Variants in USP24 observed in about 807,000 individuals in gnomAD.
The protein encoded by USP24 is ubiquitin specific peptidase 24, also known as ubiquitin carboxyl-terminal hydrolase 24.
Under a neutral mutation model 361.6 loss-of-function variants are expected in USP24, and 97 were observed. The observed-to-expected ratio is 0.27, with a 90% confidence interval of 0.23 to 0.32. The LOEUF is 0.32. Ranked by LOEUF, USP24 falls within the 10% of genes least tolerant of loss-of-function variation. The probability of loss-of-function intolerance (pLI) is 1.00; values close to 1 mark genes in which losing one functional copy is unlikely to be tolerated. For missense variants in USP24, 2,353 were observed against 3,165.6 expected, an observed-to-expected ratio of 0.74 and a Z score of 6.16; for synonymous variants, 1,098 against 1,124.6, an observed-to-expected ratio of 0.98 and a Z score of 0.47.
chr1:55,129,536 G>A lies in USP24; in HGVS notation c.3576C>T (p.Asp1192=). Residue 1192 remains aspartate (D), a synonymous_variant, in exon 32 of 68, where the codon GAC becomes GAT. Coordinates refer to ENST00000294383, the MANE Select transcript of USP24 (RefSeq NM_015306.3). ...SSKLMPTADD[D]MARSCAKSFC... ...AGGATTTGGCACAGCTTCTGGCCAT[G>A]TCATCATCAGCTGTTGGCATGAGTT... The A allele has an allele frequency of 1.9e-6, 3 of 1,613,900 alleles. No individual in the cohort carries two copies. The highest frequency in any genetic ancestry group is 2.7e-5 in the African/African-American group (2 of 75,056).
At chr1:55,130,375 C>T (rs1031780333) in intron 31 of USP24, among the ~76,000 whole-genome samples, 1 of 152,138 alleles carries the variant, frequency 6.6e-6, no homozygotes, top group African/African-American at 2.4e-5. Context: ...ACAGCACAAG[C>T]TTTAAGGTGC....
chr1:55,208,808 C>T (rs940903318), intron 1 of USP24, among the ~76,000 whole-genome samples: 4 of 150,184 alleles, frequency 2.7e-5, no homozygotes, highest in South Asian at 2.1e-4. Context: ...TGGTGGCAGG[C>T]GCCTGTAATC....
At chr1:55,069,637 A>G (rs1475074894) in intron 67 of USP24, among the ~76,000 whole-genome samples, 1 of 151,578 alleles carries the variant, frequency 6.6e-6, no homozygotes, top group African/African-American at 2.4e-5. Context: ...TAAAGTGACA[A>G]CCTAAGCTGA....
Position 55,096,928 on chromosome 1 carries a change from A to C in USP24, c.5936+24T>G, listed in dbSNP as rs904461283. On this transcript the variant is annotated intron_variant, in intron 49 of 67. Coordinates refer to ENST00000294383, the MANE Select transcript of USP24 (RefSeq NM_015306.3). ...AGCAGGGGAGGGCAGAAAGTGAGTAAGTGCTGCCTCAGGAAACTCTTACCG... is the reference window on the plus strand; with the variant it reads ...AGCAGGGGAGGGCAGAAAGTGAGTACGTGCTGCCTCAGGAAACTCTTACCG... 5.6e-5 allele frequency: 90 copies of C among 1,605,252 alleles called. No individual in the cohort carries two copies. The Admixed American group carries it at 1.5e-3, about 26-fold the overall frequency.
intron 58 of USP24, among the ~76,000 whole-genome samples, chr1:55,082,837 T>TG (rs1270206667): frequency 2.0e-5 from 3 of 152,132 alleles, no homozygotes; most frequent in Non-Finnish European, 4.4e-5. Context: ...ACAACTTCCT[T>TG]TTCATTTGAA....
chr1:55,152,911 A>G (rs899312545), intron 16 of USP24, among the ~76,000 whole-genome samples: 56 of 152,214 alleles, frequency 3.7e-4, no homozygotes, highest in African/African-American at 1.3e-3. Flanking sequence ...TAATATACCA[A>G]TGAAAATTAG....
At chr1:55,110,793 A>G (rs1645926800) in intron 38 of USP24, among the ~76,000 whole-genome samples, 1 of 152,156 alleles carries the variant, frequency 6.6e-6, no homozygotes, top group African/African-American at 2.4e-5. Context: ...TCAGACACAA[A>G]TGGGTTTTAA....
chr1:55,208,317 CAG>C (rs1423360748), intron 1 of USP24, among the ~76,000 whole-genome samples: 1 of 152,270 alleles, frequency 6.6e-6, no homozygotes, highest in African/African-American at 2.4e-5. Context: ...AAACTCACCA[CAG>C]AGATTATCGA....
intron 31 of USP24, among the ~76,000 whole-genome samples, chr1:55,130,173 A>T (rs1380368003): frequency 6.6e-6 from 1 of 152,228 alleles, no homozygotes; most frequent in Non-Finnish European, 1.5e-5. Flanking sequence ...AGTGGAGTTC[A>T]ACTGAATACT....
Position 55,199,555 on chromosome 1 carries a change from A to G in USP24, c.324+15235T>C, listed in dbSNP as rs987819998. 2.0e-5 allele frequency among the ~76,000 whole-genome samples: 3 copies of G among 151,732 alleles called. 1 individual carries two copies. Among genetic ancestry groups the G allele is most frequent in the African/African-American group, 4.8e-5 (2 of 41,288 alleles). ...GTATTTAGGAGTCAGATGTCTTGAC[A>G]TTTGCAACTTATTTTTCAAATGGTT... On this transcript the variant is annotated intron_variant, in intron 1 of 67. Transcript: ENST00000294383.
At position 55,154,437 on chromosome 1, in the gene USP24, T is replaced by C. The variant is rs779885780; in HGVS notation, c.1584A>G (p.Arg528=). Residue 528 remains arginine, a synonymous_variant, in exon 14 of 68, where the codon AGA becomes AGG. Transcript: ENST00000294383. Reference sequence around the variant, plus strand: ...GTCCAATCAGGCTCAAAAGCTTCTGTCTTACTCTATCACTCTCAGTCTCCC... The same window carrying C: ...GTCCAATCAGGCTCAAAAGCTTCTGCCTTACTCTATCACTCTCAGTCTCCC... The part of the protein sequence containing the change: ...KSWETESDRV[R]QKLLSLIGRI... 11 of 1,551,354 alleles carry C rather than the reference T, an allele frequency of 7.1e-6. No individual in the cohort carries two copies. The African/African-American group carries it at 1.5e-4, about 21-fold the overall frequency.
intron 55 of USP24, among the ~76,000 whole-genome samples, chr1:55,088,021 C>A (rs1454047900): frequency 6.6e-6 from 1 of 152,160 alleles, no homozygotes; most frequent in East Asian, 1.9e-4. Flanking sequence ...CAAGGAAAGC[C>A]TGGAAGGACA....
intron 1 of USP24, among the ~76,000 whole-genome samples, chr1:55,179,853 AC>A (rs1289153776): frequency 2.0e-5 from 3 of 151,822 alleles, no homozygotes; most frequent in African/African-American, 7.3e-5. Context: ...AGATTACTTC[AC>A]CAGCTCCCTA....
In USP24 at chr1:55,162,273, A is replaced by T. The variant is rs746809674; in HGVS notation, c.928-9T>A. The T allele has an allele frequency of 5.2e-6, 8 of 1,547,196 alleles. No homozygotes were observed. In the African/African-American group the frequency reaches 7.0e-5, roughly 13 times the overall value. ...ATCAGTGCTGAGACAGCCTGGAAAAAGACAGTGAAGATTAAAAATACATTT... is the reference window on the plus strand; with the variant it reads ...ATCAGTGCTGAGACAGCCTGGAAAATGACAGTGAAGATTAAAAATACATTT... On this transcript the variant is annotated splice_polypyrimidine_tract_variant and intron_variant, in intron 7 of 67. Transcript: ENST00000294383.
chr1:55,153,063 C>T (rs890170567), intron 16 of USP24, among the ~76,000 whole-genome samples: 5 of 152,260 alleles, frequency 3.3e-5, no homozygotes, highest in African/African-American at 1.2e-4. Flanking sequence ...AAGCGGAAGC[C>T]TTTCCAGTGC....
At position 55,141,636 on chromosome 1, in the gene USP24, G is replaced by A; in HGVS notation, c.2730C>T (p.Thr910=). The change falls in exon 24 of 68, where the codon ACC becomes ACT. Residue 910 remains threonine (T), a synonymous_variant. Transcript: ENST00000294383. The part of the protein sequence containing the change: ...LTATAMPTVA[T]SVQSPYRSTK... The stretch of plus-strand genomic sequence containing the variant: ...CTTACCTATAAGGAGACTGAACTGA[G>A]GTTGCTACAGTTGGCATGGCAGTTG... 1 of 1,611,940 alleles carries A rather than the reference G, an allele frequency of 6.2e-7. No homozygotes were observed. Among genetic ancestry groups the A allele is most frequent in the East Asian group, 2.2e-5 (1 of 44,834 alleles).
intron 1 of USP24, among the ~76,000 whole-genome samples, chr1:55,181,475 A>G (rs1359561136): frequency 6.6e-6 from 1 of 152,214 alleles, no homozygotes; most frequent in African/African-American, 2.4e-5. Flanking sequence ...ACTTAAAGGA[A>G]CCTGATAGGA....
intron 59 of USP24, among the ~76,000 whole-genome samples, 157 bp from the exon 60 acceptor site, chr1:55,079,816 C>T (rs867308346): frequency 6.6e-6 from 1 of 150,600 alleles, no homozygotes; most frequent in African/African-American, 2.5e-5. Flanking sequence ...ACTGAGTACT[C>T]GCAGAGTACT....
intron 1 of USP24, among the ~76,000 whole-genome samples, chr1:55,203,852 C>T (rs986715540): frequency 2.0e-5 from 3 of 152,202 alleles, no homozygotes; most frequent in African/African-American, 7.2e-5. Flanking sequence ...TAATTCAACA[C>T]AGAGAGTCTG....
Sources: gnomAD v4.1 joint callset for allele counts (sites outside exome capture counted in the v4.1 genomes callset) on GRCh38, gnomAD v4.1.1 for gene constraint, MANE v1.5 for transcripts, NCBI Gene and HGNC (gene_info 2026-07-23, HGNC 2026-07-21) for gene names.